Variants in SLC24A2 observed in about 807,000 individuals in gnomAD.
SLC24A2 encodes solute carrier family 24 member 2, also known as sodium/potassium/calcium exchanger 2.
A neutral mutation model predicts 62.0 loss-of-function variants in SLC24A2; 36 were observed. That is an observed-to-expected ratio of 0.58 (90% CI 0.44 to 0.77). The LOEUF is 0.77. Ranked by LOEUF, SLC24A2 falls within the 30% of genes least tolerant of loss-of-function variation. The probability of loss-of-function intolerance (pLI) is 0.00; values close to 1 mark genes in which losing one functional copy is unlikely to be tolerated. For missense variants in SLC24A2, 846 were observed against 817.9 expected, an observed-to-expected ratio of 1.03 and a Z score of -0.42; for synonymous variants, 358 against 294.0, an observed-to-expected ratio of 1.22 and a Z score of -2.23.
the SLC24A2 span, among the ~76,000 whole-genome samples, chr9:19,849,063 G>A: frequency 2.0e-5 from 3 of 152,182 alleles, no homozygotes; most frequent in Admixed American, 6.5e-5. Flanking sequence ...TGGCACAAGC[G>A]AGAAATGTGT....
the SLC24A2 span, among the ~76,000 whole-genome samples, chr9:19,870,567 C>A: frequency 6.6e-6 from 1 of 152,046 alleles, no homozygotes; most frequent in Non-Finnish European, 1.5e-5. Flanking sequence ...TGTGTTTAAT[C>A]TTTTAGAGAA....
chr9:20,275,083 A>T, the SLC24A2 span, among the ~76,000 whole-genome samples: 1 of 151,848 alleles, frequency 6.6e-6, no homozygotes, highest in Non-Finnish European at 1.5e-5. Flanking sequence ...GCAGGAAGAG[A>T]TGAACACAGC....
chr9:20,253,967 T>C, the SLC24A2 span, among the ~76,000 whole-genome samples: 1 of 151,864 alleles, frequency 6.6e-6, no homozygotes, highest in Admixed American at 6.6e-5. Context: ...GGGAGAATGG[T>C]GTGGAAGAGA....
intron 2 of SLC24A2, among the ~76,000 whole-genome samples, chr9:19,711,765 A>C (rs1820721150): frequency 6.6e-6 from 1 of 152,236 alleles, no homozygotes; most frequent in South Asian, 2.1e-4. Flanking sequence ...AGTAATACTC[A>C]TACCTTAGAA....
the SLC24A2 span, among the ~76,000 whole-genome samples, chr9:19,975,918 T>C: frequency 6.6e-6 from 1 of 152,130 alleles, no homozygotes; most frequent in Admixed American, 6.5e-5. Flanking sequence ...GTTTGTTTGT[T>C]TTTTTGAGAC....
chr9:19,908,612 C>T, the SLC24A2 span, among the ~76,000 whole-genome samples: 5 of 152,270 alleles, frequency 3.3e-5, no homozygotes, highest in Non-Finnish European at 7.3e-5. Flanking sequence ...TATCCAGAAT[C>T]TACAATGAAC....
At chr9:19,680,851 T>TTGTCTGTG (rs961039680) in intron 2 of SLC24A2, among the ~76,000 whole-genome samples, 58 of 147,074 alleles carry the variant, frequency 3.9e-4, no homozygotes, top group African/African-American at 1.5e-3. Context: ...TATACCAGAG[T>TTGTCTGTG]TGTGTGTGTG....
chr9:19,874,009 G>T, the SLC24A2 span, among the ~76,000 whole-genome samples: 1 of 151,384 alleles, frequency 6.6e-6, no homozygotes, highest in South Asian at 2.1e-4. Flanking sequence ...GAAAACTACA[G>T]ATTTCAATTT....
chr9:19,889,228 G>A, the SLC24A2 span, among the ~76,000 whole-genome samples: 39 of 152,182 alleles, frequency 2.6e-4, no homozygotes, highest in African/African-American at 9.4e-4. Context: ...TGTAGCTTCA[G>A]CTTAGCTAAA....
chr9:19,646,865 T>A (rs1428660060), intron 2 of SLC24A2, among the ~76,000 whole-genome samples: 1 of 151,944 alleles, frequency 6.6e-6, no homozygotes, highest in Non-Finnish European at 1.5e-5. Context: ...GCACATACAC[T>A]CACACACATG....
In SLC24A2 at chr9:19,592,475, GACCTACCTACCTACCTACCC is replaced by G. The variant is rs1210957038; in HGVS notation, c.1129+4734_1129+4753del. On this transcript the variant is annotated intron_variant, in intron 5 of 10. Transcript: ENST00000341998. ...CAAGATATTAGTTGGGATATCTACC[GACCTACCTACCTACCTACCC>G]ACCTACCTACCTACCTACCTACCTA... 8.0e-4 allele frequency among the ~76,000 whole-genome samples: 68 copies of G among 84,526 alleles called. 2 individuals are homozygous for G. Among genetic ancestry groups the G allele is most frequent in the African/African-American group, 2.4e-3 (57 of 23,548 alleles). 55.5% of individuals were successfully genotyped at this position (84,526 alleles called of 152,430 possible).
At chr9:19,880,925 C>T in the SLC24A2 span, among the ~76,000 whole-genome samples, 12 of 152,240 alleles carry the variant, frequency 7.9e-5, no homozygotes, top group East Asian at 2.3e-3. Flanking sequence ...ACTCTGGAGC[C>T]AGATTGCTTA....
chr9:19,737,429 A>T (rs1349447507), intron 2 of SLC24A2, among the ~76,000 whole-genome samples: 1 of 152,182 alleles, frequency 6.6e-6, no homozygotes, highest in Non-Finnish European at 1.5e-5. Flanking sequence ...TGATGGTGTC[A>T]TAAAACAAAG....
the SLC24A2 span, among the ~76,000 whole-genome samples, chr9:20,284,578 T>G: frequency 1.3e-5 from 2 of 152,188 alleles, no homozygotes; most frequent in African/African-American, 4.8e-5. Context: ...ATTCAACATC[T>G]CTGCCCAGCA....
chr9:19,712,133 C>A (rs1458398082), intron 2 of SLC24A2, among the ~76,000 whole-genome samples: 1 of 152,190 alleles, frequency 6.6e-6, no homozygotes, highest in Non-Finnish European at 1.5e-5. Flanking sequence ...AAGAGCAATA[C>A]AGAAAACGGC....
the SLC24A2 span, among the ~76,000 whole-genome samples, chr9:19,975,327 C>T: frequency 6.6e-6 from 1 of 152,130 alleles, no homozygotes; most frequent in Non-Finnish European, 1.5e-5. Context: ...CCCAAAGAAA[C>T]TATGGCAATC....
At chr9:19,815,260 C>T in the SLC24A2 span, among the ~76,000 whole-genome samples, 1 of 152,102 alleles carries the variant, frequency 6.6e-6, no homozygotes, top group Non-Finnish European at 1.5e-5. Context: ...TTGGGATTCT[C>T]CTGCAAATTC....
chr9:19,738,924 C>T (rs1199963081), intron 2 of SLC24A2, among the ~76,000 whole-genome samples: 3 of 152,130 alleles, frequency 2.0e-5, no homozygotes, highest in African/African-American at 7.2e-5. Flanking sequence ...CCAGACCAGC[C>T]TGGCCAATAT....
At chr9:20,259,885 T>C in the SLC24A2 span, among the ~76,000 whole-genome samples, 2 of 152,086 alleles carry the variant, frequency 1.3e-5, no homozygotes, top group Non-Finnish European at 2.9e-5. Context: ...GCCCAGGAGT[T>C]TGAGACCAGC....
Sources: allele counts gnomAD v4.1 joint callset (sites outside exome capture counted in the v4.1 genomes callset), GRCh38; gene constraint gnomAD v4.1.1; transcripts MANE v1.5; gene names NCBI Gene and HGNC (gene_info 2026-07-23, HGNC 2026-07-21).